Variants in C4orf36 observed in about 807,000 individuals in gnomAD.
The protein encoded by C4orf36 is chromosome 4 open reading frame 36.
Under a neutral mutation model 12.2 loss-of-function variants are expected in C4orf36, and 11 were observed. The ratio of observed to expected loss-of-function variants is 0.90; its 90% CI spans 0.57 to 1.49. C4orf36 has a LOEUF of 1.49. Ranked by LOEUF, C4orf36 falls within the 40% of genes most tolerant of loss-of-function variation. The pLI, the probability that C4orf36 is intolerant of heterozygous loss-of-function variation, is 0.00. For synonymous variants in C4orf36, 54 were observed against 51.3 expected (o/e 1.05, Z -0.22); for missense variants, 137 against 133.9 (o/e 1.02, Z -0.11).
the C4orf36 span, among the ~76,000 whole-genome samples, chr4:86,928,542 C>T: frequency 6.6e-6 from 1 of 152,152 alleles, no homozygotes; most frequent in Non-Finnish European, 1.5e-5. Flanking sequence ...GGAAGGGCAC[C>T]TAGACTAGAC....
the C4orf36 span, among the ~76,000 whole-genome samples, chr4:86,904,302 C>A: frequency 1.3e-5 from 2 of 152,362 alleles, no homozygotes; most frequent in South Asian, 4.1e-4. Context: ...TTCACACTTC[C>A]CCGCGAGCAC....
the C4orf36 span, among the ~76,000 whole-genome samples, chr4:86,921,014 A>C: frequency 2.0e-5 from 3 of 151,906 alleles, no homozygotes; most frequent in African/African-American, 7.3e-5. Flanking sequence ...AAAAATACAA[A>C]ATTAACCGGG....
chr4:86,911,527 A>T, the C4orf36 span, among the ~76,000 whole-genome samples: 1 of 152,216 alleles, frequency 6.6e-6, no homozygotes, highest in South Asian at 2.1e-4. Flanking sequence ...TTCTGAGCTC[A>T]GATGAAGATT....
At chr4:86,920,197 A>G in the C4orf36 span, among the ~76,000 whole-genome samples, 1 of 152,172 alleles carries the variant, frequency 6.6e-6, no homozygotes, top group Non-Finnish European at 1.5e-5. Flanking sequence ...CCTCTTTTCC[A>G]TGTAAGACCT....
the C4orf36 span, among the ~76,000 whole-genome samples, chr4:86,920,767 G>C: frequency 2.0e-5 from 3 of 152,190 alleles, no homozygotes; most frequent in African/African-American, 7.2e-5. Flanking sequence ...CATGAGGGTA[G>C]AGTTCCCATT....
the C4orf36 span, among the ~76,000 whole-genome samples, chr4:86,923,103 T>A: frequency 4.0e-5 from 6 of 150,602 alleles, no homozygotes; most frequent in East Asian, 2.0e-4. Flanking sequence ...TTTTTTTTTT[T>A]AATTTTTAGA....
chr4:86,918,043 C>T, the C4orf36 span, among the ~76,000 whole-genome samples: 60 of 152,178 alleles, frequency 3.9e-4, no homozygotes, highest in South Asian at 0.011. Flanking sequence ...GATGTCTCTT[C>T]TGGATAGACA....
intron 4 of C4orf36, among the ~76,000 whole-genome samples, chr4:86,880,704 T>C (rs958107936): frequency 2.0e-5 from 3 of 152,172 alleles, no homozygotes; most frequent in Admixed American, 1.3e-4. Flanking sequence ...CATAAAACCA[T>C]AGAAAAATAT....
upstream of C4orf36, among the ~76,000 whole-genome samples, chr4:86,895,069 C>G (rs141220874): frequency 6.6e-6 from 1 of 152,132 alleles, no homozygotes; most frequent in African/African-American, 2.4e-5. Flanking sequence ...CTCAACACTA[C>G]GGCAGGCTGA....
intron 2 of C4orf36, among the ~76,000 whole-genome samples, chr4:86,890,718 G>A (rs1747374828): frequency 6.6e-6 from 1 of 152,194 alleles, no homozygotes; most frequent in Admixed American, 6.5e-5. Flanking sequence ...AAACGTTTAA[G>A]AAAGGAAAAG....
the C4orf36 span, among the ~76,000 whole-genome samples, chr4:86,909,609 T>C: frequency 1.3e-5 from 2 of 152,166 alleles, no homozygotes; most frequent in Non-Finnish European, 2.9e-5. Flanking sequence ...GGAATACTCC[T>C]CTGTTCAAAT....
At chr4:86,887,303 G>C (rs1358611277) in intron 4 of C4orf36, 1 of 152,120 alleles carries the variant, frequency 6.6e-6, no homozygotes. Context: ...TTGGAAACTA[G>C]GGAGGTACTA....
the C4orf36 span, among the ~76,000 whole-genome samples, chr4:86,921,029 G>A: frequency 6.6e-6 from 1 of 152,018 alleles, no homozygotes; most frequent in Non-Finnish European, 1.5e-5. Flanking sequence ...ACCGGGCATG[G>A]TGGCACATGC....
the C4orf36 span, among the ~76,000 whole-genome samples, chr4:86,899,822 C>T: frequency 4.5e-4 from 69 of 152,180 alleles, no homozygotes; most frequent in East Asian, 0.01. Flanking sequence ...TAGAGCGAGC[C>T]CCTGTCTCAA....
chr4:86,883,948 G>T (rs1747105413), intron 4 of C4orf36, among the ~76,000 whole-genome samples: 1 of 151,866 alleles, frequency 6.6e-6, no homozygotes, highest in African/African-American at 2.4e-5. Context: ...AGAATTGCTT[G>T]AACCCAGGAG....
chr4:86,908,601 T>C, the C4orf36 span, among the ~76,000 whole-genome samples: 1 of 149,142 alleles, frequency 6.7e-6, no homozygotes, highest in African/African-American at 2.5e-5. Context: ...ACACTTACAC[T>C]CTCTCTCTCT....
chr4:86,917,468 G>GAAAGA, the C4orf36 span, among the ~76,000 whole-genome samples: 7 of 45,806 alleles, frequency 1.5e-4, no homozygotes, highest in South Asian at 1.2e-3. Context: ...AGAAAGAAAA[G>GAAAGA]AAAGAAATAA....
chr4:86,887,262 T>G (rs537299416), intron 4 of C4orf36: 13 of 151,960 alleles, frequency 8.6e-5, no homozygotes, highest in African/African-American at 2.9e-4. Context: ...TAAAGTACAA[T>G]AAAAAATATA....
chr4:86,884,003 A>C (rs1244976045), intron 4 of C4orf36, among the ~76,000 whole-genome samples: 2 of 151,872 alleles, frequency 1.3e-5, no homozygotes, highest in Non-Finnish European at 2.9e-5. Flanking sequence ...GGTGGGAAAA[A>C]AAAAATACCA....
Sources: gnomAD v4.1 joint callset for allele counts (sites outside exome capture counted in the v4.1 genomes callset) on GRCh38, gnomAD v4.1.1 for gene constraint, MANE v1.5 for transcripts, NCBI Gene and HGNC (gene_info 2026-07-23, HGNC 2026-07-21) for gene names.